Variants in NLRP9 observed in about 807,000 individuals in gnomAD.
NLRP9 encodes the protein NLR family pyrin domain containing 9.
Under a neutral mutation model 83.1 loss-of-function variants are expected in NLRP9, and 88 were observed. The observed-to-expected ratio is 1.06, with a 90% confidence interval of 0.89 to 1.26. The LOEUF (loss-of-function observed/expected upper bound fraction) is 1.26, where lower values mean the gene tolerates loss of function less well. NLRP9 is among the 50% of genes most tolerant of loss of function. NLRP9 has a pLI of 0.00. For missense variants in NLRP9, 1,308 were observed against 1,179.3 expected (o/e 1.11, Z -1.60); for synonymous variants, 521 against 447.6 (o/e 1.16, Z -2.07).
At chr19:55,712,687 A>G in intron 6 of NLRP9, 97 bp from the exon 7 acceptor site, 1 of 1,037,482 alleles carries the variant, frequency 9.6e-7, no homozygotes, top group South Asian at 1.5e-5. Context: ...AGAAATACCC[A>G]AGTAAATCTG....
At chr19:55,738,060 C>T in intron 1 of NLRP9, 35 bp downstream of exon 1, 1 of 1,604,722 alleles carries the variant, frequency 6.2e-7, no homozygotes, top group Non-Finnish European at 8.5e-7. Context: ...CCCAGGCTTC[C>T]CCCATGGGTC....
At chr19:55,712,210 C>T (rs1191574097) in intron 7 of NLRP9, among the ~76,000 whole-genome samples, 3 of 152,122 alleles carry the variant, frequency 2.0e-5, no homozygotes, top group Non-Finnish European at 2.9e-5. Flanking sequence ...CCCTATCATG[C>T]ACAGGATGGC....
intron 3 of NLRP9, among the ~76,000 whole-genome samples, chr19:55,724,930 G>C (rs148882557): frequency 0.015 from 2,342 of 152,188 alleles, 48 homozygotes; most frequent in African/African-American, 0.052. Flanking sequence ...ATGGTGGTGT[G>C]TGCCTGTAAT....
chr19:55,714,643 T>C (rs1010944260), intron 6 of NLRP9, among the ~76,000 whole-genome samples: 4 of 152,148 alleles, frequency 2.6e-5, no homozygotes, highest in African/African-American at 9.7e-5. Context: ...TGGGCTGGTA[T>C]AACAAAATGC....
At chr19:55,735,751 G>GA (rs1988769121) in intron 1 of NLRP9, among the ~76,000 whole-genome samples, 1 of 152,052 alleles carries the variant, frequency 6.6e-6, no homozygotes, top group African/African-American at 2.4e-5. Context: ...GCAGTGGTGT[G>GA]ATTGTGGCTC....
chr19:55,718,525 TAC>T (rs1473426598), intron 4 of NLRP9, among the ~76,000 whole-genome samples: 2 of 152,232 alleles, frequency 1.3e-5, no homozygotes, highest in African/African-American at 4.8e-5. Flanking sequence ...GACTCTTTGC[TAC>T]ACTGAGATGT....
intron 3 of NLRP9, among the ~76,000 whole-genome samples, chr19:55,728,183 C>A (rs553399944): frequency 6.6e-6 from 1 of 152,250 alleles, no homozygotes; most frequent in African/African-American, 2.4e-5. Context: ...CTGAAGGAAA[C>A]CAGACATTCA....
At chr19:55,721,991 G>A (rs1242268644) in intron 4 of NLRP9, among the ~76,000 whole-genome samples, 3 of 152,058 alleles carry the variant, frequency 2.0e-5, no homozygotes, top group Non-Finnish European at 4.4e-5. Context: ...GTGTGAAAAC[G>A]GACTGATACA....
intron 3 of NLRP9, among the ~76,000 whole-genome samples, chr19:55,727,721 T>C (rs931716492): frequency 2.6e-5 from 4 of 152,124 alleles, no homozygotes; most frequent in Non-Finnish European, 5.9e-5. Flanking sequence ...CTATGGATGT[T>C]TAGTGAGCCC....
At chr19:55,720,631 T>C (rs1019488) in intron 4 of NLRP9, among the ~76,000 whole-genome samples, 54,413 of 152,008 alleles carry the variant, frequency 0.36, 10,421 homozygotes, top group African/African-American at 0.49. Context: ...AGCCTGGCAA[T>C]GATTCCCTAA....
Position 55,732,052 on chromosome 19 carries a change from T to G in NLRP9, c.1779A>C (p.Thr593=). The G allele has an allele frequency of 6.2e-7, 1 of 1,602,128 alleles. No individual in the cohort carries two copies. Among genetic ancestry groups the G allele is most frequent in the Non-Finnish European group, 8.5e-7 (1 of 1,175,860 alleles). ...FCLKHCQHLT[T]LRMCVENIFP... is the part of the protein sequence containing the mutation. The stretch of plus-strand genomic sequence containing the variant: ...AGATATTCTCCACACACATGCGAAG[T>G]GTCGTTAAATGTTGACAATGCTTCA... Residue 593 remains threonine (T), a synonymous_variant, in exon 2 of 9, where the codon ACA becomes ACC. Transcript: ENST00000332836.
intron 4 of NLRP9, among the ~76,000 whole-genome samples, chr19:55,719,206 A>G (rs1044475193): frequency 6.6e-6 from 1 of 152,218 alleles, no homozygotes; most frequent in Admixed American, 6.5e-5. Context: ...GAAAACAATT[A>G]CATTTCATAA....
At position 55,738,251 on chromosome 19, in the gene NLRP9, T is replaced by G; in HGVS notation, c.124A>C (p.Ile42Leu). The G allele has an allele frequency of 6.2e-7, 1 of 1,614,132 alleles. No individual in the cohort carries two copies. The highest frequency in any genetic ancestry group is 8.5e-7 in the Non-Finnish European group (1 of 1,180,026). The change falls in exon 1 of 9, where the codon ATC becomes CTC. Residue 42 changes from isoleucine to leucine, a missense_variant. Coordinates refer to ENST00000332836, the MANE Select transcript of NLRP9 (RefSeq NM_176820.4). The part of the protein sequence containing the change: ...QPLEKFELKP[I>L]PWAELKKASK... ...GCCTTCTTCAGCTCAGCCCAGGGGATTGGCTTGAGTTCAAATTTCTCCAAA... is the reference window on the plus strand; with the variant it reads ...GCCTTCTTCAGCTCAGCCCAGGGGAGTGGCTTGAGTTCAAATTTCTCCAAA...
rs1237954034 is a variant in NLRP9 at position 55,732,869 on chromosome 19, A to C, written c.962T>G (p.Phe321Cys). 6.2e-7 allele frequency: 1 copy of C among 1,614,018 alleles called. No homozygotes were observed. Among genetic ancestry groups the C allele is most frequent in the Non-Finnish European group, 8.5e-7 (1 of 1,180,030 alleles). Residue 321 changes from phenylalanine to cysteine, a missense_variant, in exon 2 of 9, where the codon TTC (phenylalanine) becomes TGC (cysteine). By Grantham distance (205) the Phe-to-Cys change is radical. Coordinates refer to ENST00000332836, the MANE Select transcript of NLRP9 (RefSeq NM_176820.4). ...FGEKSKALKV[F>C]NFVRDNGPLF... ...CGGCCCATTATCTCTCACAAAATTG[A>C]AGACTTTCAGGGCTTTGCTCTTCTC...
intron 4 of NLRP9, among the ~76,000 whole-genome samples, chr19:55,723,476 C>T (rs966737426): frequency 2.0e-5 from 3 of 152,050 alleles, no homozygotes; most frequent in Admixed American, 6.6e-5. Context: ...ACTGTAATCC[C>T]AGTACTTTAG....
chr19:55,734,117 G>GT (rs1988705725), intron 1 of NLRP9, among the ~76,000 whole-genome samples: 1 of 151,496 alleles, frequency 6.6e-6, no homozygotes, highest in African/African-American at 2.4e-5. Context: ...TAGAGACGGA[G>GT]TTTCACCGTG....
chr19:55,733,814 C>G (rs1278984080), intron 1 of NLRP9, among the ~76,000 whole-genome samples: 1 of 152,074 alleles, frequency 6.6e-6, no homozygotes, highest in Admixed American at 6.6e-5. Flanking sequence ...TGAAGGTCTC[C>G]TGTGCAAATA....
intron 4 of NLRP9, among the ~76,000 whole-genome samples, chr19:55,717,611 C>T (rs1219717778): frequency 6.6e-6 from 1 of 152,214 alleles, no homozygotes; most frequent in East Asian, 1.9e-4. Context: ...AATAGCACTA[C>T]AAGAAATAGG....
chr19:55,711,695 A>G, intron 8 of NLRP9, 105 bp downstream of exon 8: 1 of 1,186,018 alleles, frequency 8.4e-7, no homozygotes, highest in South Asian at 1.4e-5. Context: ...CCCCACCACA[A>G]ACAACCCTCC....
Sources: gnomAD v4.1 joint callset for allele counts (sites outside exome capture counted in the v4.1 genomes callset) on GRCh38, gnomAD v4.1.1 for gene constraint, MANE v1.5 for transcripts, NCBI Gene and HGNC (gene_info 2026-07-23, HGNC 2026-07-21) for gene names.